The following ANO7 variants were observed in gnomAD, a reference collection of about 807,000 sequenced individuals.
The protein encoded by ANO7 is anoctamin-7.
Under a neutral mutation model 115.8 loss-of-function variants are expected in ANO7, and 114 were observed. The ratio of observed to expected loss-of-function variants is 0.98; its 90% CI spans 0.85 to 1.15. ANO7 has a LOEUF of 1.15. ANO7 is among the 50% of genes most tolerant of loss of function. ANO7 has a pLI of 0.00. For synonymous variants in ANO7, 550 were observed against 498.2 expected (o/e 1.10, Z -1.38); for missense variants, 1,302 against 1,201.2 (o/e 1.08, Z -1.24).
chr2:241,217,801 G>A lies in ANO7; in HGVS notation c.2088G>A (p.Glu696=). The A allele has an allele frequency of 3.1e-6, 5 of 1,610,608 alleles. No homozygotes were observed. The highest frequency in any genetic ancestry group is 4.5e-5 in the East Asian group (2 of 44,818). The change falls in exon 20 of 25, where the codon GAG becomes GAA. Residue 696 remains glutamate, a synonymous_variant. Transcript: ENST00000674324. ...IRLDARKFVC[E]YRRPVAERAQ... is the part of the protein sequence containing the mutation. The stretch of plus-strand genomic sequence containing the variant: ...TGGACGCGCGCAAGTTCGTCTGCGA[G>A]TACCGGCGCCCGGTGGCCGAGCGCG...
At chr2:241,227,436 G>A (rs2069237720), downstream of ANO7, 1 of 152,558 alleles carries the variant, frequency 6.6e-6, no homozygotes, top group African/African-American at 2.4e-5. Flanking sequence ...TGATATGGAA[G>A]ACATCCAACA....
At chr2:241,217,917 CGGGGCGGGGGCGCGCAGGGGCGGGGGCGG>C in intron 20 of ANO7, 26 bp downstream of exon 20, 5 of 794,594 alleles carry the variant, frequency 6.3e-6, no homozygotes, top group African/African-American at 2.4e-5. Context: ...GAGCGCGGGG[CGGGGCGGGGGCGCGCAGGGGCGGGGGCGG>C]GGGGGGCAGC....
Position 241,203,474 on chromosome 2 carries a change from GTGGCCCTC to G in ANO7, c.867_874del (p.Ala290LeufsTer110). The G allele has an allele frequency of 6.4e-7, 1 of 1,551,506 alleles. No individual in the cohort carries two copies. The highest frequency in any genetic ancestry group is 1.9e-5 in the Admixed American group (1 of 52,296). On this transcript the variant is annotated frameshift_variant, in exon 9 of 25. Transcript: ENST00000674324. LOFTEE classifies it high-confidence loss of function. This position sits in a 1 kb window ranked among gnomAD's most constrained non-coding sequence, Gnocchi z 4.8. ...CGTGCGCAGGTACTTCGGGGAGAAG[GTGGCCCTC>G]TACTTCGCCTGGCTCGGTGAGTCCC...
At chr2:241,196,782 A>G (rs2068342819) in intron 4 of ANO7, among the ~76,000 whole-genome samples, 1 of 150,358 alleles carries the variant, frequency 6.7e-6, no homozygotes, top group Non-Finnish European at 1.5e-5. Context: ...GAGAATGGGC[A>G]TTTGACTTGT....
rs1176696996 is a variant in ANO7, at chr2:241,188,749, C to T, written c.-25C>T. 9 of 1,613,324 alleles carry T rather than the reference C, an allele frequency of 5.6e-6. No homozygotes were observed. Among genetic ancestry groups the T allele is most frequent in the East Asian group, 2.2e-5 (1 of 44,852 alleles). On this transcript the variant is annotated 5_prime_UTR_variant, in exon 1 of 25. Coordinates refer to ENST00000674324, the MANE Select transcript of ANO7 (RefSeq NM_001370694.2). This position sits in a 1 kb window ranked among gnomAD's most constrained non-coding sequence, Gnocchi z 4.3. ...GGGCCATGACCTCCGAGACCTCTTC[C>T]GGAAGCCACTGTGCCAGGTGGGGAC...
At position 241,224,884 on chromosome 2, in the gene ANO7, G is replaced by A. The variant is rs1271185121; in HGVS notation, c.*731G>A. ...CTCCCTCTCCCAGCTCCTGGCCCCT[G>A]GCCCAGGGCCCCTCTTGCTGTTTTT... On this transcript the variant is annotated 3_prime_UTR_variant, in exon 25 of 25. Coordinates refer to ENST00000674324, the MANE Select transcript of ANO7 (RefSeq NM_001370694.2). The A allele has an allele frequency of 2.6e-4, 40 of 152,274 alleles. No individual in the cohort carries two copies. Among genetic ancestry groups the A allele is most frequent in the Admixed American group, 2.6e-3 (40 of 15,280 alleles). The allele number at this position is 152,274 out of a possible 1,614,324, so 9.4% of individuals were successfully genotyped here.
At position 241,224,655 on chromosome 2, in the gene ANO7, ACC is replaced by A. The variant is rs2069115552; in HGVS notation, c.*504_*505del. 6.3e-6 allele frequency: 1 copy of A among 158,950 alleles called. No homozygotes were observed. Among genetic ancestry groups the A allele is most frequent in the South Asian group, 1.8e-4 (1 of 5,482 alleles). 9.8% of individuals were successfully genotyped at this position (158,950 alleles called of 1,614,324 possible). ...ATCACCCACATGCCCCAGCTCTCGG[ACC>A]CTGCAGCTCTGTGTCCCAGGCCACA... On this transcript the variant is annotated 3_prime_UTR_variant, in exon 25 of 25. Coordinates refer to ENST00000674324, the MANE Select transcript of ANO7 (RefSeq NM_001370694.2).
the ANO7 span, chr2:241,239,671 G>A: frequency 6.2e-7 from 1 of 1,614,224 alleles, no homozygotes; most frequent in Non-Finnish European, 8.5e-7. This position sits in a 1 kb window ranked among gnomAD's most constrained non-coding sequence, Gnocchi z 4.6. Context: ...CCTTGAGGGT[G>A]ACTTTGTCGC....
chr2:241,189,372 C>T (rs1214543386), intron 1 of ANO7, among the ~76,000 whole-genome samples: 1 of 152,174 alleles, frequency 6.6e-6, no homozygotes, highest in Admixed American at 6.5e-5. Context: ...CGGTCATCGT[C>T]GCAGCTCCAA....
chr2:241,207,138 G>T (rs1399817091), intron 10 of ANO7, among the ~76,000 whole-genome samples: 1 of 128,142 alleles, frequency 7.8e-6, no homozygotes, highest in Non-Finnish European at 1.6e-5. Context: ...GTGCTCCCAG[G>T]CTGACAGGTG....
the ANO7 span, chr2:241,236,752 C>G: frequency 6.2e-7 from 1 of 1,614,168 alleles, no homozygotes; most frequent in Non-Finnish European, 8.5e-7. Context: ...TCCTGGACAA[C>G]TGGCTCTGTA....
At chr2:241,227,183 A>G (rs1225031684), downstream of ANO7, 2 of 152,386 alleles carry the variant, frequency 1.3e-5, no homozygotes, top group African/African-American at 4.8e-5. Flanking sequence ...ACTGCTGAGA[A>G]AATCACACCA....
chr2:241,230,184 A>G, downstream of ANO7: 1 of 1,613,760 alleles, frequency 6.2e-7, no homozygotes, highest in Non-Finnish European at 8.5e-7. This position sits in a 1 kb window ranked among gnomAD's most constrained non-coding sequence, Gnocchi z 5.0. Context: ...GATGTGGTCG[A>G]TGGCTTCCTC....
chr2:241,215,657 A>G (rs2068813406), intron 18 of ANO7, among the ~76,000 whole-genome samples: 1 of 152,222 alleles, frequency 6.6e-6, no homozygotes, highest in Admixed American at 6.5e-5. Flanking sequence ...CGGATGAGTG[A>G]CAGTGTGATA....
intron 21 of ANO7, among the ~76,000 whole-genome samples, chr2:241,219,731 C>CTTTTTTTTTTTTT (rs11299376): frequency 8.8e-6 from 1 of 113,978 alleles, no homozygotes; most frequent in Non-Finnish European, 1.8e-5. Flanking sequence ...CCAGGCCTGG[C>CTTTTTTTTTTTTT]TTTTTTTTTT....
intron 4 of ANO7, 157 bp from the exon 5 acceptor site, chr2:241,199,159 G>A (rs1428723069): frequency 5.9e-6 from 4 of 678,444 alleles, no homozygotes; most frequent in Admixed American, 4.6e-5. Context: ...GCGTATCCAT[G>A]GGAGTAGGTG....
chr2:241,231,504 CA>C, the ANO7 span, among the ~76,000 whole-genome samples: 22 of 152,202 alleles, frequency 1.4e-4, 1 homozygote, highest in Non-Finnish European at 2.9e-4. Context: ...CATTTGTCCT[CA>C]AAGACAAAGG....
the ANO7 span, chr2:241,235,593 G>A: frequency 1.2e-6 from 2 of 1,610,294 alleles, no homozygotes; most frequent in Non-Finnish European, 1.7e-6. Context: ...AGGAACCAAT[G>A]CCTGCAGGGA....
At chr2:241,240,237 G>A in the ANO7 span, 1 of 994,890 alleles carries the variant, frequency 1.0e-6, no homozygotes, top group Non-Finnish European at 1.6e-6. This position sits in a 1 kb window ranked among gnomAD's most constrained non-coding sequence, Gnocchi z 5.5. Flanking sequence ...TGTCACCAGT[G>A]TCCTGATGTT....
Sources: allele counts gnomAD v4.1 joint callset (sites outside exome capture counted in the v4.1 genomes callset), GRCh38; gene constraint gnomAD v4.1.1; non-coding constraint Gnocchi (gnomAD v3.1); transcripts MANE v1.5; gene names NCBI Gene and HGNC (gene_info 2026-07-23, HGNC 2026-07-21).